The following XYLB variants were observed in gnomAD, a reference collection of about 807,000 sequenced individuals.
XYLB encodes xylulokinase.
Under a neutral mutation model 78.7 loss-of-function variants are expected in XYLB, and 62 were observed. The ratio of observed to expected loss-of-function variants is 0.79; its 90% CI spans 0.64 to 0.97. XYLB has a LOEUF of 0.97. Among genes scored for constraint, XYLB ranks in the 50% least tolerant of loss-of-function variants. The pLI is 0.00. For missense variants in XYLB, 687 were observed against 676.8 expected, an observed-to-expected ratio of 1.02 and a Z score of -0.17; for synonymous variants, 245 against 247.4, an observed-to-expected ratio of 0.99 and a Z score of 0.09.
chr3:38,448,408 T>C, the XYLB span, among the ~76,000 whole-genome samples: 4 of 152,206 alleles, frequency 2.6e-5, no homozygotes, highest in African/African-American at 4.8e-5. Context: ...ATTATATACA[T>C]GCAACAAAAT....
At chr3:38,421,442 A>C (rs530004803), downstream of XYLB, 1 of 152,378 alleles carries the variant, frequency 6.6e-6, no homozygotes, top group South Asian at 2.1e-4. Context: ...GGCTTATTTG[A>C]GTCTGCTTCG....
At chr3:38,426,845 A>T in the XYLB span, among the ~76,000 whole-genome samples, 1 of 152,220 alleles carries the variant, frequency 6.6e-6, no homozygotes, top group African/African-American at 2.4e-5. Flanking sequence ...GGACATGCTC[A>T]TGATGGCTGT....
chr3:38,378,697 G>A (rs994220069), intron 14 of XYLB, among the ~76,000 whole-genome samples: 1 of 151,606 alleles, frequency 6.6e-6, no homozygotes, highest in Non-Finnish European at 1.5e-5. Flanking sequence ...ATGGCGGCAG[G>A]TTCTAGCATT....
intron 9 of XYLB, among the ~76,000 whole-genome samples, chr3:38,371,856 C>T (rs1255926809): frequency 6.6e-6 from 1 of 152,146 alleles, no homozygotes; most frequent in Non-Finnish European, 1.5e-5. Context: ...CTTTCTGACC[C>T]GCTTTCTGAC....
downstream of XYLB, among the ~76,000 whole-genome samples, chr3:38,415,695 AT>A (rs1708765740): frequency 6.6e-6 from 1 of 152,128 alleles, no homozygotes; most frequent in African/African-American, 2.4e-5. Flanking sequence ...AGGCACGAGA[AT>A]TGCTTGAACC....
intron 16 of XYLB, 79 bp downstream of exon 16, chr3:38,395,642 G>A: frequency 1.4e-6 from 2 of 1,466,148 alleles, no homozygotes; most frequent in Non-Finnish European, 1.9e-6. Flanking sequence ...GGATAGGAAG[G>A]ACAGCCTCCA....
intron 18 of XYLB, among the ~76,000 whole-genome samples, chr3:38,409,825 A>G (rs1708497285): frequency 2.6e-5 from 4 of 152,336 alleles, no homozygotes; most frequent in Middle Eastern, 3.4e-3. Flanking sequence ...CCAACTTACA[A>G]GGGACATGAA....
At chr3:38,434,513 A>C in the XYLB span, among the ~76,000 whole-genome samples, 1 of 152,258 alleles carries the variant, frequency 6.6e-6, no homozygotes, top group South Asian at 2.1e-4. Context: ...TTCCCAAATA[A>C]GCAAATGCTG....
intron 15 of XYLB, among the ~76,000 whole-genome samples, chr3:38,394,636 A>G (rs1310393222): frequency 6.6e-6 from 1 of 152,234 alleles, no homozygotes; most frequent in Non-Finnish European, 1.5e-5. Context: ...GTAACAAATT[A>G]TCTCAAAATT....
intron 2 of XYLB, among the ~76,000 whole-genome samples, chr3:38,357,715 T>C (rs1264567607): frequency 6.6e-6 from 1 of 152,178 alleles, no homozygotes; most frequent in African/African-American, 2.4e-5. Context: ...GTCTTTTTAA[T>C]TACAGACGGC....
the XYLB span, chr3:38,451,225 C>G: frequency 7.9e-5 from 12 of 152,170 alleles, no homozygotes; most frequent in African/African-American, 2.9e-4. Flanking sequence ...GTGCAGTGAT[C>G]TGGTTTCAGT....
the XYLB span, among the ~76,000 whole-genome samples, chr3:38,438,513 A>G: frequency 6.6e-6 from 1 of 152,212 alleles, no homozygotes; most frequent in Non-Finnish European, 1.5e-5. Context: ...CAATCTTAAA[A>G]TTCATAAGGA....
chr3:38,367,727 A>G (rs1025060195), intron 7 of XYLB, among the ~76,000 whole-genome samples: 1 of 152,198 alleles, frequency 6.6e-6, no homozygotes, highest in African/African-American at 2.4e-5. Context: ...GCTAGTGCTC[A>G]GGGTCTGTGG....
the XYLB span, among the ~76,000 whole-genome samples, chr3:38,433,644 G>A: frequency 1.3e-5 from 2 of 152,212 alleles, no homozygotes; most frequent in East Asian, 1.9e-4. Flanking sequence ...CATAGCAAGA[G>A]TCAACTTTAT....
Position 38,366,908 on chromosome 3 carries a change from A to G in XYLB, c.573+35A>G, listed in dbSNP as rs1239065729. The G allele has an allele frequency of 4.9e-6, 7 of 1,428,434 alleles. No individual in the cohort carries two copies. In the African/African-American group the frequency reaches 9.8e-5, roughly 20 times the overall value. 88.5% of individuals were successfully genotyped at this position (1,428,434 alleles called of 1,614,324 possible). On this transcript the variant is annotated intron_variant, in intron 7 of 18. Coordinates refer to ENST00000207870, the MANE Select transcript of XYLB (RefSeq NM_005108.4). ...ATGTTCCTGTTTGATTGAAAGTCAC[A>G]GTTGAATTCTTTTCATAATATGTTA...
chr3:38,422,734 A>G (rs947430306), downstream of XYLB, among the ~76,000 whole-genome samples: 1 of 152,176 alleles, frequency 6.6e-6, no homozygotes, highest in Non-Finnish European at 1.5e-5. Flanking sequence ...CCCATTACAT[A>G]GAACAATTAT....
intron 1 of XYLB, among the ~76,000 whole-genome samples, 186 bp downstream of exon 1, chr3:38,347,111 A>G (rs1355889951): frequency 6.6e-6 from 1 of 152,092 alleles, no homozygotes; most frequent in Non-Finnish European, 1.5e-5. Context: ...CCTCGCCCGG[A>G]GATGCCCTGC....
intron 16 of XYLB, among the ~76,000 whole-genome samples, 155 bp from the exon 17 acceptor site, chr3:38,396,917 T>C (rs1199850289): frequency 6.6e-6 from 1 of 152,070 alleles, no homozygotes; most frequent in African/African-American, 2.4e-5. Flanking sequence ...ATCACCAGGG[T>C]AGCATGACCA....
chr3:38,419,213 A>C (rs1708895142), downstream of XYLB, among the ~76,000 whole-genome samples: 1 of 152,168 alleles, frequency 6.6e-6, no homozygotes, highest in Admixed American at 6.5e-5. Flanking sequence ...AAAATAGTTA[A>C]TATTTTAATG....
Sources: allele counts gnomAD v4.1 joint callset (sites outside exome capture counted in the v4.1 genomes callset), GRCh38; gene constraint gnomAD v4.1.1; transcripts MANE v1.5; gene names NCBI Gene and HGNC (gene_info 2026-07-23, HGNC 2026-07-21).